Variants in TSNARE1 observed in about 807,000 individuals in gnomAD.
The protein encoded by TSNARE1 is t-SNARE domain containing 1.
A neutral mutation model predicts 62.0 loss-of-function variants in TSNARE1; 49 were observed. That is an observed-to-expected ratio of 0.79 (90% CI 0.63 to 1.00). TSNARE1 has a LOEUF of 1.00. Ranked by LOEUF, TSNARE1 falls within the 50% of genes least tolerant of loss-of-function variation. TSNARE1 has a pLI of 0.00. For synonymous variants in TSNARE1, 328 were observed against 294.4 expected, an observed-to-expected ratio of 1.11 and a Z score of -1.17; for missense variants, 755 against 700.1, an observed-to-expected ratio of 1.08 and a Z score of -0.88.
intron 12 of TSNARE1, among the ~76,000 whole-genome samples, chr8:142,246,868 C>T (rs1817907852): frequency 6.6e-6 from 1 of 152,234 alleles, no homozygotes; most frequent in Non-Finnish European, 1.5e-5. Flanking sequence ...TCAGCACCAC[C>T]CTGAGAATGT....
chr8:142,278,489 C>G, intron 11 of TSNARE1: 1 of 985,474 alleles, frequency 1.0e-6, no homozygotes, highest in Non-Finnish European at 1.2e-6. Context: ...TCCAGCGGGG[C>G]TCTGCTTCGA....
In TSNARE1 at chr8:142,401,548, C is replaced by T. The variant is rs531913925; in HGVS notation, c.-40+1556G>A. Among the ~76,000 whole-genome samples the T allele has an allele frequency of 2.0e-5, 3 of 152,280 alleles. No individual in the cohort carries two copies. The East Asian group carries it at 5.8e-4, about 29-fold the overall frequency. On this transcript the variant is annotated intron_variant, in intron 1 of 13. Transcript: ENST00000524325. ...GAAGAGACTTAGGGACACCTGGCTGCCCATGAGCCCCTAGACTGAGTGCCT... is the reference window on the plus strand; with the variant it reads ...GAAGAGACTTAGGGACACCTGGCTGTCCATGAGCCCCTAGACTGAGTGCCT...
At chr8:142,365,602 G>GCGCACA (rs149020570) in intron 1 of TSNARE1, among the ~76,000 whole-genome samples, 7,577 of 144,432 alleles carry the variant, frequency 0.052, 410 homozygotes, top group African/African-American at 0.15. Flanking sequence ...ACATGCACAC[G>GCGCACA]CACACACACA....
intron 12 of TSNARE1, among the ~76,000 whole-genome samples, chr8:142,261,566 C>T (rs1818889629): frequency 6.6e-6 from 1 of 152,030 alleles, no homozygotes; most frequent in African/African-American, 2.4e-5. Context: ...GCTGTGATGC[C>T]TCAATGCATT....
intron 4 of TSNARE1, among the ~76,000 whole-genome samples, chr8:142,343,423 G>C (rs1020616060): frequency 2.0e-5 from 3 of 151,882 alleles, no homozygotes; most frequent in Non-Finnish European, 4.4e-5. Flanking sequence ...GGCACGGCTA[G>C]AAATGCCTGA....
chr8:142,239,496 T>C (rs1817587111), intron 12 of TSNARE1, among the ~76,000 whole-genome samples: 1 of 152,236 alleles, frequency 6.6e-6, no homozygotes, highest in Non-Finnish European at 1.5e-5. Flanking sequence ...TAGAATGACC[T>C]GGCAACATTT....
chr8:142,274,018 G>A (rs1563802403), intron 12 of TSNARE1: 2 of 985,268 alleles, frequency 2.0e-6, no homozygotes, highest in Non-Finnish European at 2.4e-6. Context: ...GTGCTCTCCT[G>A]GCCCCAGCTG....
intron 1 of TSNARE1, among the ~76,000 whole-genome samples, chr8:142,378,494 G>A (rs571315169): frequency 6.6e-6 from 1 of 152,206 alleles, no homozygotes; most frequent in Non-Finnish European, 1.5e-5. Context: ...ATACACGCTT[G>A]AAGTTTGCGC....
chr8:142,308,555 TTGGTGTGTCCATAGGC>T (rs1323783606), intron 9 of TSNARE1, among the ~76,000 whole-genome samples: 1 of 152,146 alleles, frequency 6.6e-6, no homozygotes, highest in Non-Finnish European at 1.5e-5. Flanking sequence ...GTCCCATGCG[TTGGTGTGTCCATAGGC>T]TGGTGTGTCC....
chr8:142,248,520 G>A (rs1226483940), intron 12 of TSNARE1, among the ~76,000 whole-genome samples: 4 of 152,316 alleles, frequency 2.6e-5, no homozygotes, highest in East Asian at 3.9e-4. Flanking sequence ...CTGAGAACGC[G>A]GCCCCCAGAC....
intron 9 of TSNARE1, among the ~76,000 whole-genome samples, chr8:142,310,461 C>T (rs1309890307): frequency 6.6e-6 from 1 of 151,602 alleles, no homozygotes; most frequent in Non-Finnish European, 1.5e-5. Flanking sequence ...GTCCCTTACT[C>T]CCTCCTCCGG....
In TSNARE1 at chr8:142,217,982, C is replaced by A. The variant is rs868332638; in HGVS notation, c.*12-5669G>T. Among the ~76,000 whole-genome samples the A allele has an allele frequency of 3.0e-4, 23 of 76,372 alleles. 4 individuals are homozygous for A. Among genetic ancestry groups the A allele is most frequent in the Non-Finnish European group, 5.8e-4 (21 of 36,430 alleles). The allele number at this position is 76,372 out of a possible 152,430, so 50.1% of individuals were successfully genotyped here. On this transcript the variant is annotated intron_variant, in intron 13 of 13. Coordinates refer to ENST00000524325, the MANE Select transcript of TSNARE1 (RefSeq NM_145003.5). ...GCTCAGTGTGTGACCAGGATCAGGG[C>A]TCAGAGTATGAGCAGGATCAGGGCT... is the stretch of plus-strand genomic sequence containing the variant.
Position 142,307,545 on chromosome 8 carries a change from T to C in TSNARE1, c.1131+6839A>G, listed in dbSNP as rs767968607. On this transcript the variant is annotated intron_variant, in intron 9 of 13. Transcript: ENST00000524325. ...TAAATCACCTCTAGGTTGCCTATAA[T>C]ATTTAATATGATGTAAATGCTATGT... Among the ~76,000 whole-genome samples, 59 of 152,242 alleles carry C rather than the reference T, an allele frequency of 3.9e-4. 1 individual carries two copies. The highest frequency in any genetic ancestry group is 7.8e-4 in the Admixed American group (12 of 15,292).
intron 12 of TSNARE1, among the ~76,000 whole-genome samples, chr8:142,249,822 C>T (rs927699600): frequency 6.6e-6 from 1 of 152,232 alleles, no homozygotes; most frequent in Non-Finnish European, 1.5e-5. Context: ...TTCGAGAGAG[C>T]TGGGGTCCCA....
chr8:142,343,327 T>A (rs1208868995), intron 4 of TSNARE1, among the ~76,000 whole-genome samples: 3 of 152,014 alleles, frequency 2.0e-5, no homozygotes, highest in African/African-American at 7.3e-5. Flanking sequence ...AAAACCAGTT[T>A]AGTAAGTTGC....
intron 12 of TSNARE1, chr8:142,273,647 G>A: frequency 1.0e-6 from 1 of 985,396 alleles, no homozygotes; most frequent in South Asian, 4.7e-5. Context: ...GCCCCCGACA[G>A]AAATGGGGAG....
Position 142,286,508 on chromosome 8 carries a change from A to G in TSNARE1, c.1291-2023T>C, listed in dbSNP as rs547139584. Among the ~76,000 whole-genome samples the G allele has an allele frequency of 2.6e-5, 4 of 152,310 alleles. No homozygotes were observed. In the East Asian group the frequency reaches 5.8e-4, roughly 22 times the overall value. ...GGAACTGGGCAGTGGCTGGGAAGGT[A>G]GCGAGAAGGTGGGGCCCAGGGGTCA... On this transcript the variant is annotated intron_variant, in intron 10 of 13. Coordinates refer to ENST00000524325, the MANE Select transcript of TSNARE1 (RefSeq NM_145003.5).
chr8:142,344,518 G>C (rs1229651066), intron 3 of TSNARE1, 46 bp from the exon 4 acceptor site: 2 of 1,442,986 alleles, frequency 1.4e-6, no homozygotes, highest in Admixed American at 2.9e-5. Context: ...TGGGCCTGTG[G>C]AGGCAGCGGC....
chr8:142,221,217 AG>A (rs1447438497), intron 13 of TSNARE1, among the ~76,000 whole-genome samples: 3 of 152,214 alleles, frequency 2.0e-5, no homozygotes, highest in Non-Finnish European at 4.4e-5. Context: ...TGCCCATTAA[AG>A]CACCTACTAA....
Sources: gnomAD v4.1 joint callset for allele counts (sites outside exome capture counted in the v4.1 genomes callset) on GRCh38, gnomAD v4.1.1 for gene constraint, MANE v1.5 for transcripts, NCBI Gene and HGNC (gene_info 2026-07-23, HGNC 2026-07-21) for gene names.